Variants in COL23A1 observed in about 807,000 individuals in gnomAD.
The protein encoded by COL23A1 is collagen alpha-1(XXIII) chain.
COL23A1 carries 97 observed loss-of-function variants against 99.3 expected under a neutral mutation model. The observed-to-expected ratio is 0.98, with a 90% CI of 0.83 to 1.16. The LOEUF is 1.16. Ranked by LOEUF, COL23A1 falls within the 50% of genes most tolerant of loss-of-function variation. The pLI is 0.00. For missense variants in COL23A1, 762 were observed against 757.4 expected, an observed-to-expected ratio of 1.01 and a Z score of -0.07; for synonymous variants, 320 against 308.2, an observed-to-expected ratio of 1.04 and a Z score of -0.40.
intron 2 of COL23A1, among the ~76,000 whole-genome samples, chr5:178,524,207 C>T (rs1479244765): frequency 6.6e-6 from 1 of 152,214 alleles, no homozygotes. Flanking sequence ...CCAGGGCTCT[C>T]TCCTTCCCCA....
At chr5:178,275,695 G>A (rs575486576) in intron 5 of COL23A1, among the ~76,000 whole-genome samples, 1 of 152,164 alleles carries the variant, frequency 6.6e-6, no homozygotes, top group Admixed American at 6.5e-5. Context: ...CAATCTGAAC[G>A]TAAAAAACTA....
chr5:178,577,932 T>C (rs925302563), intron 1 of COL23A1, among the ~76,000 whole-genome samples: 1 of 152,206 alleles, frequency 6.6e-6, no homozygotes, highest in Non-Finnish European at 1.5e-5. Context: ...TTGGACGGGA[T>C]AACTTCCACA....
intron 2 of COL23A1, among the ~76,000 whole-genome samples, chr5:178,312,129 C>T (rs1758727206): frequency 2.0e-5 from 3 of 152,182 alleles, no homozygotes; most frequent in Non-Finnish European, 2.9e-5. Context: ...GCTGAGACGC[C>T]GACGGAGCCC....
At chr5:178,515,777 C>T in intron 2 of COL23A1, among the ~76,000 whole-genome samples, 1 of 152,130 alleles carries the variant, frequency 6.6e-6, no homozygotes, top group East Asian at 1.9e-4. Flanking sequence ...GCATCGTGCC[C>T]CTTTCCTCCA....
At chr5:178,341,672 C>T (rs1250898442) in intron 2 of COL23A1, among the ~76,000 whole-genome samples, 1 of 152,190 alleles carries the variant, frequency 6.6e-6, no homozygotes, top group Non-Finnish European at 1.5e-5. Flanking sequence ...CACCTGCCCA[C>T]AGGTTGCCCC....
chr5:178,560,859 T>C (rs1030842784), intron 1 of COL23A1, 111 bp from the exon 2 acceptor site: 7 of 987,866 alleles, frequency 7.1e-6, no homozygotes, highest in Non-Finnish European at 9.0e-6. Flanking sequence ...CCATCTACAG[T>C]GCTGGGGCTG....
At chr5:178,444,609 A>G (rs1309992522) in intron 2 of COL23A1, among the ~76,000 whole-genome samples, 1 of 152,168 alleles carries the variant, frequency 6.6e-6, no homozygotes, top group East Asian at 1.9e-4. Context: ...AGCCTGGCCA[A>G]GATGGTGAAA....
intron 2 of COL23A1, among the ~76,000 whole-genome samples, chr5:178,498,594 C>T (rs1459679144): frequency 6.6e-6 from 1 of 151,680 alleles, no homozygotes; most frequent in African/African-American, 2.4e-5. Flanking sequence ...AAGGTGAGAA[C>T]TAGATAAGCC....
At position 178,552,761 on chromosome 5, in the gene COL23A1, T is replaced by TG. The variant is rs71587663; in HGVS notation, c.361+7920dup. 8.6e-3 allele frequency among the ~76,000 whole-genome samples: 1,307 copies of TG among 151,120 alleles called. 10 individuals are homozygous for TG. Among genetic ancestry groups the TG allele is most frequent in the Middle Eastern group, 0.014 (4 of 288 alleles). ...ACAGAGTCTCACTCTGTCGCCAGGC[T>TG]GGGGTGCAGTGGTGCGATCTTGGCT... On this transcript the variant is annotated intron_variant, in intron 2 of 28. Transcript: ENST00000390654.
intron 17 of COL23A1, 120 bp downstream of exon 17, chr5:178,252,424 C>A: frequency 1.1e-6 from 1 of 913,716 alleles, no homozygotes; most frequent in South Asian, 1.9e-5. Flanking sequence ...CTCTGAGCTC[C>A]CGGAAGCCAG....
chr5:178,468,369 C>T lies in COL23A1; in HGVS notation c.361+92313G>A, dbSNP rs369017983. Among the ~76,000 whole-genome samples, 22 of 152,276 alleles carry T rather than the reference C, an allele frequency of 1.4e-4. No individual in the cohort carries two copies. The highest frequency in any genetic ancestry group is 5.1e-4 in the African/African-American group (21 of 41,546). On this transcript the variant is annotated intron_variant, in intron 2 of 28. Coordinates refer to ENST00000390654, the MANE Select transcript of COL23A1 (RefSeq NM_173465.4). This position sits in a 1 kb window ranked among gnomAD's most constrained non-coding sequence, Gnocchi z 4.2. The stretch of plus-strand genomic sequence containing the variant: ...GACAGGGAGGGGATGGAAGCCAGCA[C>T]GTGGGTCAAAGGGCGATGGACTGGG...
chr5:178,573,556 A>C (rs935924259), intron 1 of COL23A1, among the ~76,000 whole-genome samples: 1 of 152,268 alleles, frequency 6.6e-6, no homozygotes, highest in Non-Finnish European at 1.5e-5. Flanking sequence ...ACATGTTTTG[A>C]AAGGGTTGGT....
At position 178,285,772 on chromosome 5, in the gene COL23A1, C is replaced by A. The variant is rs570089333; in HGVS notation, c.441+2552G>T. 3.9e-5 allele frequency among the ~76,000 whole-genome samples: 6 copies of A among 152,356 alleles called. No homozygotes were observed. The East Asian group carries it at 1.2e-3, about 29-fold the overall frequency. ...CTTCAGCACGAGGCAGTCACCCCAG[C>A]CTCTGGGATGACCACATGGAGCCAT... is the stretch of plus-strand genomic sequence containing the variant. On this transcript the variant is annotated intron_variant, in intron 5 of 28. Transcript: ENST00000390654.
rs554331572 is a variant in COL23A1, at chr5:178,333,510, C to A, written c.362-26591G>T. On this transcript the variant is annotated intron_variant, in intron 2 of 28. Transcript: ENST00000390654. ...CCCACCCAGCCACGCCCTTTCATGTCCTCACTCCTCTGCCTGGCAACATGC... is the reference window on the plus strand; with the variant it reads ...CCCACCCAGCCACGCCCTTTCATGTACTCACTCCTCTGCCTGGCAACATGC... Among the ~76,000 whole-genome samples, 14 of 152,312 alleles carry A rather than the reference C, an allele frequency of 9.2e-5. No individual in the cohort carries two copies. In the East Asian group the frequency reaches 2.5e-3, roughly 27 times the overall value.
intron 15 of COL23A1, 34 bp downstream of exon 15, chr5:178,256,319 T>A: frequency 4.5e-6 from 7 of 1,559,658 alleles, no homozygotes; most frequent in South Asian, 2.4e-5. Flanking sequence ...CTAGATCTCA[T>A]CCCTGAGGCC....
At chr5:178,274,500 C>T (rs1472796214) in intron 5 of COL23A1, among the ~76,000 whole-genome samples, 1 of 151,960 alleles carries the variant, frequency 6.6e-6, no homozygotes, top group African/African-American at 2.4e-5. Flanking sequence ...GAGGGCTGTT[C>T]TGAGCAGCTG....
At chr5:178,469,823 G>C (rs1199975648) in intron 2 of COL23A1, among the ~76,000 whole-genome samples, 1 of 152,104 alleles carries the variant, frequency 6.6e-6, no homozygotes, top group Non-Finnish European at 1.5e-5. Context: ...TAATGGTCTC[G>C]CAGGGTCGGG....
intron 2 of COL23A1, among the ~76,000 whole-genome samples, chr5:178,321,066 T>C: frequency 6.6e-6 from 1 of 152,238 alleles, no homozygotes; most frequent in East Asian, 1.9e-4. Flanking sequence ...TACCATACAG[T>C]TCATCCAGTG....
intron 2 of COL23A1, chr5:178,345,313 C>T: frequency 2.3e-4 from 93 of 406,678 alleles, no homozygotes; most frequent in South Asian, 3.0e-4. Flanking sequence ...TCACTTGGAG[C>T]AATTCGGAAG....
Sources: gnomAD v4.1 joint callset for allele counts (sites outside exome capture counted in the v4.1 genomes callset) on GRCh38, gnomAD v4.1.1 for gene constraint, Gnocchi (gnomAD v3.1) non-coding constraint, MANE v1.5 for transcripts, NCBI Gene and HGNC (gene_info 2026-07-23, HGNC 2026-07-21) for gene names.